ZBBX: variants seen among roughly 807,000 people sequenced by gnomAD.
ZBBX encodes zinc finger B-box domain-containing protein 1.
A neutral mutation model predicts 108.5 loss-of-function variants in ZBBX; 101 were observed. That is an observed-to-expected ratio of 0.93 (90% CI 0.79 to 1.10). The LOEUF (loss-of-function observed/expected upper bound fraction) is 1.10, where lower values mean the gene tolerates loss of function less well. Among genes scored for constraint, ZBBX ranks in the 50% least tolerant of loss-of-function variants. ZBBX has a pLI of 0.00. For missense variants in ZBBX, 1,009 were observed against 941.4 expected, an observed-to-expected ratio of 1.07 and a Z score of -0.94; for synonymous variants, 356 against 323.4, an observed-to-expected ratio of 1.10 and a Z score of -1.08.
chr3:167,240,861 C>T lies in ZBBX; in HGVS notation c.2452G>A (p.Asp818Asn). The change falls in exon 22 of 22, where the codon GAT becomes AAT. Residue 818 changes from aspartate to asparagine, a missense_variant. Asp to Asn is a conservative substitution (Grantham distance 23). Coordinates refer to ENST00000675490, the MANE Select transcript of ZBBX (RefSeq NM_001199201.2). ...SLLSLSESST[D>N]EEEEDFLNKQ... is the part of the protein sequence containing the mutation. ...TTGAGAAAATCTTCCTCCTCCTCAT[C>T]TGTACTGCTCTCAGAAAGTGACAGC... The T allele has an allele frequency of 1.2e-6, 2 of 1,613,630 alleles. No individual in the cohort carries two copies. The highest frequency in any genetic ancestry group is 2.2e-5 in the East Asian group (1 of 44,862).
intron 4 of ZBBX, chr3:167,368,928 T>G (rs1262350845): frequency 5.4e-6 from 1 of 185,528 alleles, no homozygotes; most frequent in East Asian, 1.8e-4. Context: ...TTGTTTTGCC[T>G]CCAATGTAGT....
rs531057891 is a variant in ZBBX at position 167,276,054 on chromosome 3, C to T, written c.2254+6184G>A. On this transcript the variant is annotated intron_variant, in intron 20 of 21. Coordinates refer to ENST00000675490, the MANE Select transcript of ZBBX (RefSeq NM_001199201.2). ...CACACGGCCGGGTACTCCAACAGAC[C>T]TGCAGCTGAGGGTCCTGTCTGTTAC... Among the ~76,000 whole-genome samples, 845 of 150,588 alleles carry T rather than the reference C, an allele frequency of 5.6e-3. 8 individuals carry two copies. The highest frequency in any genetic ancestry group is 9.3e-3 in the Non-Finnish European group (621 of 67,018).
the ZBBX span, among the ~76,000 whole-genome samples, chr3:167,228,238 A>C: frequency 4.6e-5 from 7 of 151,782 alleles, no homozygotes; most frequent in Non-Finnish European, 1.0e-4. Flanking sequence ...AGCAGAGGCC[A>C]AAGAGTTAAA....
chr3:167,280,168 C>T, intron 20 of ZBBX, among the ~76,000 whole-genome samples: 1 of 151,984 alleles, frequency 6.6e-6, no homozygotes, highest in Admixed American at 6.6e-5. Context: ...TAGGCATTAC[C>T]ATTGAGGACA....
intron 1 of ZBBX, among the ~76,000 whole-genome samples, chr3:167,394,107 C>T (rs1748159667): frequency 6.6e-6 from 1 of 151,804 alleles, no homozygotes; most frequent in South Asian, 2.1e-4. Flanking sequence ...TAATACTTTA[C>T]TTTTTACATA....
At chr3:167,233,750 T>C in the ZBBX span, among the ~76,000 whole-genome samples, 3 of 150,212 alleles carry the variant, frequency 2.0e-5, no homozygotes, top group African/African-American at 7.5e-5. Flanking sequence ...TTTCTTGGAA[T>C]AGTTTCAATG....
intron 9 of ZBBX, among the ~76,000 whole-genome samples, chr3:167,338,399 A>G (rs1419844698): frequency 1.3e-5 from 2 of 152,178 alleles, no homozygotes; most frequent in Non-Finnish European, 2.9e-5. Context: ...GTTTAGTTAG[A>G]AAAATGATAT....
At chr3:167,327,138 T>TAAAAAAAAAAAAAAAA (rs547596997) in intron 11 of ZBBX, among the ~76,000 whole-genome samples, 1 of 115,264 alleles carries the variant, frequency 8.7e-6, no homozygotes, top group Non-Finnish European at 1.9e-5. Context: ...AGCGAAATTA[T>TAAAAAAAAAAAAAAAA]AAAAAAAAAA....
At chr3:167,290,988 C>A (rs982536730) in intron 18 of ZBBX, among the ~76,000 whole-genome samples, 2 of 151,802 alleles carry the variant, frequency 1.3e-5, no homozygotes, top group African/African-American at 4.8e-5. Context: ...TGAAATAAAG[C>A]GGAAAGACAA....
intron 10 of ZBBX, among the ~76,000 whole-genome samples, chr3:167,332,276 C>CACACACACACACAA (rs1315058420): frequency 7.5e-6 from 1 of 133,396 alleles, no homozygotes; most frequent in Non-Finnish European, 1.6e-5. Context: ...GTTAAACACA[C>CACACACACACACAA]ACACACACAC....
chr3:167,309,667 G>A lies in ZBBX; in HGVS notation c.1418-3717C>T, dbSNP rs541985212. ...TGGGACAGAGTACCATGTCTTGAGG[G>A]TGAACAGAGCAGTGAGGCCCTGAGC... On this transcript the variant is annotated intron_variant, in intron 16 of 21. Coordinates refer to ENST00000675490, the MANE Select transcript of ZBBX (RefSeq NM_001199201.2). 2.6e-5 allele frequency among the ~76,000 whole-genome samples: 4 copies of A among 152,300 alleles called. No homozygotes were observed. The East Asian group carries it at 7.7e-4, about 30-fold the overall frequency.
chr3:167,234,003 CT>C, the ZBBX span, among the ~76,000 whole-genome samples: 1 of 151,698 alleles, frequency 6.6e-6, no homozygotes, highest in Non-Finnish European at 1.5e-5. Context: ...GACATTCATG[CT>C]TTTGTTCAGC....
At chr3:167,201,928 C>G in the ZBBX span, among the ~76,000 whole-genome samples, 4 of 152,220 alleles carry the variant, frequency 2.6e-5, no homozygotes, top group East Asian at 7.7e-4. Flanking sequence ...AACAGACCAC[C>G]AATGTATGCA....
intron 2 of ZBBX, among the ~76,000 whole-genome samples, chr3:167,378,723 T>C (rs1293181692): frequency 6.6e-6 from 1 of 152,166 alleles, no homozygotes; most frequent in African/African-American, 2.4e-5. Flanking sequence ...GATTGTGCTT[T>C]ACCCTTAGCA....
intron 20 of ZBBX, among the ~76,000 whole-genome samples, chr3:167,277,183 C>T (rs556935968): frequency 6.6e-6 from 1 of 151,960 alleles, no homozygotes; most frequent in East Asian, 1.9e-4. Flanking sequence ...GAAACTGCAT[C>T]AACTAACGAG....
chr3:167,352,002 C>T (rs1160863472), intron 8 of ZBBX, among the ~76,000 whole-genome samples: 1 of 152,012 alleles, frequency 6.6e-6, no homozygotes, highest in Non-Finnish European at 1.5e-5. Flanking sequence ...GGGATCAGTC[C>T]ACCCCTCCTT....
intron 18 of ZBBX, among the ~76,000 whole-genome samples, chr3:167,290,935 A>G (rs1461894948): frequency 2.0e-5 from 3 of 152,176 alleles, no homozygotes; most frequent in Admixed American, 6.5e-5. Context: ...AGCTGAATAG[A>G]TCAAGCGGAA....
At chr3:167,391,196 G>A (rs1249377010) in intron 1 of ZBBX, among the ~76,000 whole-genome samples, 1 of 152,076 alleles carries the variant, frequency 6.6e-6, no homozygotes, top group Non-Finnish European at 1.5e-5. Flanking sequence ...TCTCATGAAA[G>A]GATGTTGAAT....
chr3:167,209,958 C>T, the ZBBX span, among the ~76,000 whole-genome samples: 2 of 152,080 alleles, frequency 1.3e-5, no homozygotes, highest in Non-Finnish European at 2.9e-5. Flanking sequence ...GGCATGGTGG[C>T]ATGTGCCTGT....
Sources: gnomAD v4.1 joint callset for allele counts (sites outside exome capture counted in the v4.1 genomes callset) on GRCh38, gnomAD v4.1.1 for gene constraint, MANE v1.5 for transcripts, NCBI Gene and HGNC (gene_info 2026-07-23, HGNC 2026-07-21) for gene names.